The following PFKL variants were observed in gnomAD, a reference collection of about 807,000 sequenced individuals.
The protein encoded by PFKL is phosphofructokinase, liver type, also known as ATP-dependent 6-phosphofructokinase, liver type.
In PFKL, 74 loss-of-function variants were observed where a neutral mutation model predicts 92.1. The observed-to-expected ratio is 0.80, with a 90% CI of 0.67 to 0.97. PFKL has a LOEUF of 0.97. PFKL is among the 50% of genes least tolerant of loss of function. PFKL has a pLI of 0.00. For synonymous variants in PFKL, 494 were observed against 456.4 expected, an observed-to-expected ratio of 1.08 and a Z score of -1.05; for missense variants, 1,028 against 1,116.6, an observed-to-expected ratio of 0.92 and a Z score of 1.13.
In PFKL at chr21:44,323,905, A is replaced by C. The variant is rs1343389062; in HGVS notation, c.1637A>C (p.Asn546Thr). ...AGCCTGGGCTCCGACACTGCTGTAAATGCCGCCATGGAGGTACGGGGCTCC... is the reference window on the plus strand; with the variant it reads ...AGCCTGGGCTCCGACACTGCTGTAACTGCCGCCATGGAGGTACGGGGCTCC... ...DFSLGSDTAVNAAMESCDRIK... is the reference protein window; with the variant it reads ...DFSLGSDTAVTAAMESCDRIK... The change falls in exon 16 of 22, where the codon AAT (asparagine) becomes ACT (threonine). Residue 546 changes from asparagine to threonine, a missense_variant. Coordinates refer to ENST00000349048, the MANE Select transcript of PFKL (RefSeq NM_002626.6). 5 of 1,613,418 alleles carry C rather than the reference A, an allele frequency of 3.1e-6. No homozygotes were observed. Among genetic ancestry groups the C allele is most frequent in the Non-Finnish European group, 3.4e-6 (4 of 1,179,940 alleles).
chr21:44,323,861 C>T lies in PFKL; in HGVS notation c.1593C>T (p.Asn531=), dbSNP rs61737075. The T allele has an allele frequency of 1.4e-3, 2,312 of 1,613,578 alleles. 4 individuals carry two copies. The highest frequency in any genetic ancestry group is 1.5e-3 in the Non-Finnish European group (1,772 of 1,179,962). The part of the protein sequence containing the change: ...MCVIPATISN[N]VPGTDFSLGS... ...TCATCCCAGCCACCATCAGCAACAA[C>T]GTCCCTGGCACCGACTTCAGCCTGG... Residue 531 remains asparagine (N), a synonymous_variant, in exon 16 of 22, where the codon AAC becomes AAT. Transcript: ENST00000349048.
chr21:44,316,608 A>G (rs1186646574), intron 9 of PFKL, 84 bp downstream of exon 9: 2 of 1,000,660 alleles, frequency 2.0e-6, no homozygotes, highest in Non-Finnish European at 3.0e-6. Flanking sequence ...GCACGCGAGC[A>G]TGGCACGTGC....
intron 1 of PFKL, among the ~76,000 whole-genome samples, chr21:44,302,494 C>T (rs2040806766): frequency 6.6e-6 from 1 of 152,178 alleles, no homozygotes; most frequent in African/African-American, 2.4e-5. Flanking sequence ...CGTGTGGCTC[C>T]CCATGGTGGG....
At chr21:44,304,257 C>T (rs971355041) in intron 1 of PFKL, 117 of 1,289,078 alleles carry the variant, frequency 9.1e-5, no homozygotes, top group Admixed American at 3.9e-4. Flanking sequence ...GATCCTGGGG[C>T]CCCTTTGCCG....
intron 1 of PFKL, chr21:44,305,975 C>T (rs9974877): frequency 0.33 from 438,182 of 1,327,728 alleles, 73,947 homozygotes; most frequent in East Asian, 0.61. Context: ...CAGTGCTGTT[C>T]CCTGGGTGGC....
rs1265844564 is a variant in PFKL, at chr21:44,305,263, C to T, written c.86-1418C>T. ...ATCCCTGGGGTTTCTCAAGGCGTGG[C>T]ACCTCACCTCACACCTGCTCCCTGC... On this transcript the variant is annotated intron_variant, in intron 1 of 21. Transcript: ENST00000349048. 5.3e-6 allele frequency: 7 copies of T among 1,332,498 alleles called. No individual in the cohort carries two copies. In the East Asian group the frequency reaches 2.0e-4, roughly 38 times the overall value. 82.5% of individuals were successfully genotyped at this position (1,332,498 alleles called of 1,614,324 possible).
chr21:44,304,168 C>T (rs911273351), intron 1 of PFKL: 1 of 1,274,026 alleles, frequency 7.8e-7, no homozygotes, highest in East Asian at 5.9e-5. Context: ...GCTTCATTGT[C>T]TCCGGGCGTC....
intron 14 of PFKL, 92 bp downstream of exon 14, chr21:44,322,295 G>C (rs1013064095): frequency 1.3e-5 from 16 of 1,223,410 alleles, no homozygotes; most frequent in Non-Finnish European, 1.7e-5. Flanking sequence ...AACCCAGCCC[G>C]GGGCCCTGGG....
At chr21:44,313,167 C>T (rs1276014829) in intron 5 of PFKL, 24 bp downstream of exon 5, 2 of 1,610,596 alleles carry the variant, frequency 1.2e-6, no homozygotes, top group Non-Finnish European at 1.7e-6. Flanking sequence ...GCGCCGGCGG[C>T]CAGCCCAGGG....
intron 19 of PFKL, 40 bp downstream of exon 19, chr21:44,325,304 T>C: frequency 7.5e-7 from 1 of 1,334,508 alleles, no homozygotes; most frequent in South Asian, 1.2e-5. Flanking sequence ...CCTGCCCCTC[T>C]TTCCTGCCAC....
chr21:44,301,484 C>G (rs1262686005), intron 1 of PFKL, among the ~76,000 whole-genome samples: 1 of 152,162 alleles, frequency 6.6e-6, no homozygotes, highest in Non-Finnish European at 1.5e-5. Context: ...TCTTTTTGCA[C>G]AATAACCTGT....
Position 44,306,677 on chromosome 21 carries a change from A to G in PFKL, c.86-4A>G. 6.2e-7 allele frequency: 1 copy of G among 1,613,014 alleles called. No individual in the cohort carries two copies. The highest frequency in any genetic ancestry group is 8.5e-7 in the Non-Finnish European group (1 of 1,179,664). ...GACTGACAGGTTTGCCCTGACCTCC[A>G]CAGGCATGAACGCTGCTGTCCGGGC... On this transcript the variant is annotated splice_polypyrimidine_tract_variant and splice_region_variant and intron_variant, in intron 1 of 21. Transcript: ENST00000349048.
intron 19 of PFKL, chr21:44,325,543 G>A (rs1416694924): frequency 5.2e-5 from 28 of 542,952 alleles, no homozygotes; most frequent in Middle Eastern, 9.7e-4. Context: ...GGCCACTTCC[G>A]CCGAACCCCT....
intron 2 of PFKL, among the ~76,000 whole-genome samples, chr21:44,310,439 G>A (rs1410728258): frequency 6.6e-6 from 1 of 152,216 alleles, no homozygotes; most frequent in African/African-American, 2.4e-5. Flanking sequence ...TCCCTCGGGT[G>A]GGGGCCCGCC....
intron 2 of PFKL, among the ~76,000 whole-genome samples, chr21:44,308,627 T>C (rs887779908): frequency 2.6e-4 from 38 of 146,052 alleles, no homozygotes; most frequent in Admixed American, 4.3e-4. Flanking sequence ...AGTGGCACAA[T>C]CTTGGCTCGC....
At chr21:44,313,173 C>T (rs1316333000) in intron 5 of PFKL, 30 bp downstream of exon 5, 2 of 1,609,248 alleles carry the variant, frequency 1.2e-6, no homozygotes, top group East Asian at 2.2e-5. Context: ...GCGGCCAGCC[C>T]AGGGCCCCTC....
At chr21:44,306,557 C>G (rs2040949565) in intron 1 of PFKL, 124 bp from the exon 2 acceptor site, 7 of 794,708 alleles carry the variant, frequency 8.8e-6, no homozygotes, top group African/African-American at 5.2e-5. Context: ...CTTCCCCCAC[C>G]ACCCGCCCTC....
intron 21 of PFKL, 86 bp from the exon 22 acceptor site, chr21:44,326,629 G>A (rs1027773358): frequency 3.1e-6 from 4 of 1,292,088 alleles, no homozygotes; most frequent in East Asian, 2.7e-5. Context: ...CTGCAGGGTC[G>A]GGGGGGGTGG....
At chr21:44,308,549 G>C (rs905078644) in intron 2 of PFKL, among the ~76,000 whole-genome samples, 3 of 149,316 alleles carry the variant, frequency 2.0e-5, no homozygotes, top group East Asian at 4.0e-4. Context: ...ATGATTCTAG[G>C]GGGGTAGGAA....
Sources: allele counts gnomAD v4.1 joint callset (sites outside exome capture counted in the v4.1 genomes callset), GRCh38; gene constraint gnomAD v4.1.1; transcripts MANE v1.5; gene names NCBI Gene and HGNC (gene_info 2026-07-23, HGNC 2026-07-21).